The following C1QTNF1 variants were observed in gnomAD, a reference collection of about 807,000 sequenced individuals.
C1QTNF1 encodes the protein complement C1q tumor necrosis factor-related protein 1.
In C1QTNF1, 22 loss-of-function variants were observed where a neutral mutation model predicts 27.8. That is an observed-to-expected ratio of 0.79 (90% CI 0.56 to 1.13). The LOEUF is 1.13. Ranked by LOEUF, C1QTNF1 falls within the 50% of genes most tolerant of loss-of-function variation. The pLI is 0.00. For missense variants in C1QTNF1, 373 were observed against 380.2 expected (o/e 0.98, Z 0.16); for synonymous variants, 166 against 154.3 (o/e 1.08, Z -0.56).
In C1QTNF1 at chr17:79,046,817, A is replaced by C; in HGVS notation, c.295+123A>C. 1 of 1,274,620 alleles carries C rather than the reference A, an allele frequency of 7.8e-7. No homozygotes were observed. The highest frequency in any genetic ancestry group is 1.1e-6 in the Non-Finnish European group (1 of 924,472). The allele number at this position is 1,274,620 out of a possible 1,614,324, so 79.0% of individuals were successfully genotyped here. On this transcript the variant is annotated intron_variant, in intron 3 of 3. Coordinates refer to ENST00000579760, the MANE Select transcript of C1QTNF1 (RefSeq NM_030968.5). The surrounding 1 kb of genome is among the most constrained non-coding windows in gnomAD (Gnocchi z 4.8). ...GAATGGCTCCCTCGGGACAGGGAGC[A>C]GAGGCAGGCAGGCTGTCATCTAGAG...
intron 3 of C1QTNF1, 81 bp from the exon 4 acceptor site, chr17:79,047,457 G>C (rs1313019272): frequency 2.3e-5 from 31 of 1,369,710 alleles, no homozygotes; most frequent in Non-Finnish European, 3.1e-5. Context: ...GACAGCGCCA[G>C]GGACCGGAGA....
rs375904511 is a variant in C1QTNF1 at position 79,046,660 on chromosome 17, C to T, written c.261C>T (p.Thr87=). The T allele has an allele frequency of 3.3e-5, 53 of 1,614,094 alleles. No individual in the cohort carries two copies. Among genetic ancestry groups the T allele is most frequent in the Admixed American group, 1.0e-4 (6 of 60,010 alleles). ...CDPGTSMYPA[T]AVPQINITIL... is the part of the protein sequence containing the mutation. ...CCGGTACCTCCATGTACCCGGCGAC[C>T]GCCGTGCCCCAGATCAACATCACTA... Residue 87 remains threonine, a synonymous_variant, in exon 3 of 4, where the codon ACC becomes ACT. Transcript: ENST00000579760. This position sits in a 1 kb window ranked among gnomAD's most constrained non-coding sequence, Gnocchi z 4.8.
At chr17:79,023,692 A>ATG (rs2071831662), upstream of C1QTNF1, among the ~76,000 whole-genome samples, 1 of 111,986 alleles carries the variant, frequency 8.9e-6, no homozygotes, top group African/African-American at 4.0e-5. Flanking sequence ...TCCAAAGGTG[A>ATG]TGCGCGCGCG....
At chr17:79,044,239 A>G in intron 2 of C1QTNF1, 116 bp downstream of exon 2, 3 of 1,230,818 alleles carry the variant, frequency 2.4e-6, no homozygotes, top group Non-Finnish European at 3.3e-6. Context: ...AGAAAGCTGA[A>G]GCTGAGCCGT....
chr17:79,029,009 G>T (rs1482562522), intron 1 of C1QTNF1, among the ~76,000 whole-genome samples: 3 of 152,114 alleles, frequency 2.0e-5, no homozygotes, highest in Non-Finnish European at 4.4e-5. Flanking sequence ...TGGCACCAGG[G>T]ATATCTTAGC....
chr17:79,026,419 G>A (rs2071962290), intron 1 of C1QTNF1, among the ~76,000 whole-genome samples: 1 of 152,170 alleles, frequency 6.6e-6, no homozygotes, highest in South Asian at 2.1e-4. Context: ...CTTCCAAAGT[G>A]CTGGGATTAC....
chr17:79,044,189 G>A, intron 2 of C1QTNF1, 66 bp downstream of exon 2: 1 of 1,464,094 alleles, frequency 6.8e-7, no homozygotes, highest in Non-Finnish European at 9.0e-7. Context: ...TGGGCCTTGG[G>A]GCCCCTGGGG....
At chr17:79,033,102 G>A (rs2072179666) in intron 1 of C1QTNF1, among the ~76,000 whole-genome samples, 1 of 151,080 alleles carries the variant, frequency 6.6e-6, no homozygotes, top group Non-Finnish European at 1.5e-5. Context: ...TTAGCGCAGA[G>A]CAAAGAGGAG....
chr17:79,044,425 C>T (rs982062679), intron 2 of C1QTNF1, among the ~76,000 whole-genome samples: 7 of 152,176 alleles, frequency 4.6e-5, no homozygotes, highest in Admixed American at 2.6e-4. Context: ...CCCAACCTGC[C>T]CTCCAGTTTG....
intron 3 of C1QTNF1, chr17:79,047,228 TTTTTC>T (rs1050782091): frequency 2.0e-5 from 7 of 342,128 alleles, no homozygotes; most frequent in South Asian, 1.3e-4. Context: ...CATTTTCTTT[TTTTTC>T]TTTTCTTTTT....
At chr17:79,045,830 T>A (rs372902099) in intron 2 of C1QTNF1, among the ~76,000 whole-genome samples, 13 of 152,214 alleles carry the variant, frequency 8.5e-5, no homozygotes, top group African/African-American at 2.4e-4. Flanking sequence ...GGGTGAGATG[T>A]CCATCTGGGA....
chr17:79,039,171 G>A (rs1335430119), intron 1 of C1QTNF1, among the ~76,000 whole-genome samples: 5 of 152,246 alleles, frequency 3.3e-5, no homozygotes, highest in Non-Finnish European at 5.9e-5. Flanking sequence ...CTGGTGCTTA[G>A]CTAGGGGCAA....
intron 1 of C1QTNF1, chr17:79,027,363 G>A (rs1487661408): frequency 6.6e-6 from 1 of 152,272 alleles, no homozygotes; most frequent in African/African-American, 2.4e-5. Flanking sequence ...CTTCATACAG[G>A]GCAAGAACTC....
chr17:79,037,131 TTTTG>T (rs1362709141), intron 1 of C1QTNF1, among the ~76,000 whole-genome samples: 2 of 152,050 alleles, frequency 1.3e-5, no homozygotes, highest in African/African-American at 4.8e-5. Context: ...ATTTTTTTGT[TTTTG>T]TTTTTGTTTT....
intron 1 of C1QTNF1, among the ~76,000 whole-genome samples, chr17:79,033,543 A>T (rs1039325473): frequency 1.5e-4 from 19 of 130,870 alleles, no homozygotes; most frequent in Non-Finnish European, 2.0e-4. Flanking sequence ...AAAAAAAAAA[A>T]TTTTTTTTTT....
At chr17:79,047,507 T>C in intron 3 of C1QTNF1, 31 bp from the exon 4 acceptor site, 1 of 1,516,212 alleles carries the variant, frequency 6.6e-7, no homozygotes, top group Non-Finnish European at 8.8e-7. Context: ...GATTGCTCCA[T>C]TAACAGCACG....
chr17:79,044,904 GTTCT>G (rs2072527257), intron 2 of C1QTNF1, among the ~76,000 whole-genome samples: 1 of 152,150 alleles, frequency 6.6e-6, no homozygotes. Flanking sequence ...ACATCATTCC[GTTCT>G]TTCTTCCTCT....
Position 79,048,210 on chromosome 17 carries a change from A to C in C1QTNF1, c.*122A>C. ...TTTGGCATTCAGTGAGACGCCCTGC[A>C]CACACAGAAAGCCAAAGCGATCGGT... On this transcript the variant is annotated 3_prime_UTR_variant, in exon 4 of 4. Transcript: ENST00000579760. 1 of 986,468 alleles carries C rather than the reference A, an allele frequency of 1.0e-6. No individual in the cohort carries two copies. 61.1% of individuals were successfully genotyped at this position (986,468 alleles called of 1,614,324 possible).
upstream of C1QTNF1, among the ~76,000 whole-genome samples, chr17:79,023,253 A>G (rs1335534499): frequency 6.6e-6 from 1 of 152,170 alleles, no homozygotes; most frequent in African/African-American, 2.4e-5. Context: ...AGAGGGGGGA[A>G]AAAAGAAGCA....
Sources: allele counts gnomAD v4.1 joint callset (sites outside exome capture counted in the v4.1 genomes callset), GRCh38; gene constraint gnomAD v4.1.1; non-coding constraint Gnocchi (gnomAD v3.1); transcripts MANE v1.5; gene names NCBI Gene and HGNC (gene_info 2026-07-23, HGNC 2026-07-21).